Variants in THSD4 observed in about 807,000 individuals in gnomAD.
THSD4 encodes thrombospondin type-1 domain-containing protein 4.
A neutral mutation model predicts 119.0 loss-of-function variants in THSD4; 69 were observed. That is an observed-to-expected ratio of 0.58 (90% CI 0.48 to 0.71). The LOEUF is 0.71. THSD4 is among the 30% of genes least tolerant of loss of function. The pLI is 0.00. For synonymous variants in THSD4, 524 were observed against 540.4 expected (o/e 0.97, Z 0.42); for missense variants, 1,393 against 1,391.1 (o/e 1.00, Z -0.02).
intron 6 of THSD4, among the ~76,000 whole-genome samples, chr15:71,342,116 TTGAC>T (rs1165230027): frequency 2.0e-5 from 3 of 147,694 alleles, no homozygotes; most frequent in Admixed American, 6.9e-5. Flanking sequence ...CATCCTTTGA[TTGAC>T]TGAAACGCTT....
chr15:71,658,437 G>A (rs1048458018), intron 7 of THSD4, among the ~76,000 whole-genome samples: 2 of 152,196 alleles, frequency 1.3e-5, no homozygotes, highest in African/African-American at 2.4e-5. Flanking sequence ...AAGGGAGGGA[G>A]TGTGAGATGT....
chr15:71,707,662 G>A (rs1480775937), intron 8 of THSD4, among the ~76,000 whole-genome samples: 1 of 152,118 alleles, frequency 6.6e-6, no homozygotes, highest in East Asian at 1.9e-4. Flanking sequence ...TTTGAACAAG[G>A]CAGTTATCAG....
Position 71,765,190 on chromosome 15 carries a change from A to T in THSD4, c.2760A>T (p.Glu920Asp). The T allele has an allele frequency of 6.2e-7, 1 of 1,613,982 alleles. No homozygotes were observed. The highest frequency in any genetic ancestry group is 8.5e-7 in the Non-Finnish European group (1 of 1,179,902). Residue 920 changes from glutamate (E) to aspartate (D), a missense_variant, in exon 16 of 18, where the codon GAA (glutamate) becomes GAT (aspartate). Coordinates refer to ENST00000261862, the MANE Select transcript of THSD4 (RefSeq NM_024817.3). ...KPCGAKWFST[E>D]WSMCSKSCQG... Reference sequence around the variant, plus strand: ...GCGGAGCCAAATGGTTTAGCACCGAATGGAGCATGGTAAGTCATGGTGCTC... The same window carrying T: ...GCGGAGCCAAATGGTTTAGCACCGATTGGAGCATGGTAAGTCATGGTGCTC...
intron 16 of THSD4, among the ~76,000 whole-genome samples, chr15:71,765,496 G>A (rs1251177603): frequency 2.6e-5 from 4 of 152,342 alleles, no homozygotes; most frequent in Admixed American, 6.5e-5. Flanking sequence ...AACTGTGGCC[G>A]AGGATTTGCA....
chr15:71,131,110 C>T (rs1033593779), intron 1 of THSD4, among the ~76,000 whole-genome samples: 6 of 152,130 alleles, frequency 3.9e-5, no homozygotes, highest in Non-Finnish European at 8.8e-5. Flanking sequence ...TACCTTGTAC[C>T]AGTCACGTGG....
chr15:71,319,071 G>A (rs2045230185), intron 6 of THSD4, among the ~76,000 whole-genome samples: 3 of 152,178 alleles, frequency 2.0e-5, no homozygotes, highest in Admixed American at 1.3e-4. Flanking sequence ...AATTACTTGT[G>A]CTGGACATTG....
chr15:71,210,283 G>A (rs2043878534), intron 3 of THSD4, among the ~76,000 whole-genome samples: 1 of 152,180 alleles, frequency 6.6e-6, no homozygotes, highest in Non-Finnish European at 1.5e-5. Flanking sequence ...AGTTTCTTTA[G>A]GTGGGTGTTT....
At chr15:71,319,200 G>A (rs528194855) in intron 6 of THSD4, among the ~76,000 whole-genome samples, 1 of 152,178 alleles carries the variant, frequency 6.6e-6, no homozygotes, top group East Asian at 1.9e-4. Flanking sequence ...GTCTAATCAG[G>A]GAAATGGGGA....
chr15:71,679,850 G>A (rs1267281610), intron 8 of THSD4, among the ~76,000 whole-genome samples: 1 of 152,230 alleles, frequency 6.6e-6, no homozygotes, highest in Non-Finnish European at 1.5e-5. Flanking sequence ...CCTATAGGAA[G>A]AGTCTGAGGC....
chr15:71,488,045 A>G (rs2047850197), intron 7 of THSD4, among the ~76,000 whole-genome samples: 1 of 152,174 alleles, frequency 6.6e-6, no homozygotes, highest in South Asian at 2.1e-4. Flanking sequence ...CTTCTAGCAC[A>G]AAAGTAAGAG....
At chr15:71,436,783 A>G (rs2047019278) in intron 7 of THSD4, among the ~76,000 whole-genome samples, 1 of 152,218 alleles carries the variant, frequency 6.6e-6, no homozygotes, top group African/African-American at 2.4e-5. Context: ...ACCCTTTTTC[A>G]TAAGGCAATT....
At chr15:71,379,753 C>T (rs943376258) in intron 6 of THSD4, among the ~76,000 whole-genome samples, 12 of 152,020 alleles carry the variant, frequency 7.9e-5, no homozygotes, top group South Asian at 2.1e-4. Flanking sequence ...CCACCGCGCC[C>T]GGCCACAAAT....
At chr15:71,159,845 C>T (rs1253900472) in intron 3 of THSD4, among the ~76,000 whole-genome samples, 1 of 152,044 alleles carries the variant, frequency 6.6e-6, no homozygotes, top group East Asian at 1.9e-4. Context: ...AGTGGGCATC[C>T]TTACCTTGTT....
intron 6 of THSD4, among the ~76,000 whole-genome samples, chr15:71,263,319 T>G (rs2044423382): frequency 1.1e-5 from 1 of 87,914 alleles, no homozygotes; most frequent in African/African-American, 4.2e-5. Flanking sequence ...TATGGCTGCA[T>G]AGTATTCCAT....
intron 6 of THSD4, among the ~76,000 whole-genome samples, chr15:71,354,198 G>A (rs571048052): frequency 1.6e-4 from 24 of 152,334 alleles, no homozygotes; most frequent in African/African-American, 5.8e-4. Flanking sequence ...GGGAAGCTGA[G>A]GCAGGAGGAT....
chr15:71,662,270 G>A (rs1161733018), intron 8 of THSD4, among the ~76,000 whole-genome samples: 1 of 152,092 alleles, frequency 6.6e-6, no homozygotes, highest in East Asian at 1.9e-4. Context: ...TTACGGGGGG[G>A]GAGGAGGAAG....
intron 6 of THSD4, among the ~76,000 whole-genome samples, chr15:71,285,330 G>A (rs1450020306): frequency 6.6e-6 from 1 of 152,136 alleles, no homozygotes; most frequent in Non-Finnish European, 1.5e-5. Context: ...TGTCTGTTGA[G>A]TAGTTTAAAA....
intron 17 of THSD4, among the ~76,000 whole-genome samples, chr15:71,775,320 C>G (rs2053894121): frequency 1.3e-5 from 2 of 152,108 alleles, no homozygotes; most frequent in South Asian, 4.1e-4. Flanking sequence ...AAGCAAGCAG[C>G]TGAGAAGTAT....
chr15:71,658,551 A>G (rs2051235281), intron 7 of THSD4, among the ~76,000 whole-genome samples: 1 of 152,208 alleles, frequency 6.6e-6, no homozygotes, highest in African/African-American at 2.4e-5. Context: ...TCTTGCCTTG[A>G]TAACATGGGT....
Sources: gnomAD v4.1 joint callset for allele counts (sites outside exome capture counted in the v4.1 genomes callset) on GRCh38, gnomAD v4.1.1 for gene constraint, MANE v1.5 for transcripts, NCBI Gene and HGNC (gene_info 2026-07-23, HGNC 2026-07-21) for gene names.